Variants in GLIS3 observed in about 807,000 individuals in gnomAD.
GLIS3 encodes the protein GLIS family zinc finger 3.
Under a neutral mutation model 78.6 loss-of-function variants are expected in GLIS3, and 53 were observed. That is an observed-to-expected ratio of 0.67 (90% CI 0.54 to 0.85). The LOEUF (loss-of-function observed/expected upper bound fraction) is 0.85, where lower values mean the gene tolerates loss of function less well. Among genes scored for constraint, GLIS3 ranks in the 40% least tolerant of loss-of-function variants. The probability of loss-of-function intolerance (pLI) is 0.00; values close to 1 mark genes in which losing one functional copy is unlikely to be tolerated. For missense variants in GLIS3, 1,703 were observed against 1,231.1 expected, an observed-to-expected ratio of 1.38 and a Z score of -5.74; for synonymous variants, 684 against 509.9, an observed-to-expected ratio of 1.34 and a Z score of -4.60.
At chr9:4,230,580 G>T (rs968009758) in intron 2 of GLIS3, among the ~76,000 whole-genome samples, 1 of 152,114 alleles carries the variant, frequency 6.6e-6, no homozygotes, top group African/African-American at 2.4e-5. Flanking sequence ...AAAGAATTGA[G>T]TCAGGTTTTC....
chr9:4,238,008 T>C lies in GLIS3; in HGVS notation c.388+48030A>G, dbSNP rs752605463. Among the ~76,000 whole-genome samples the C allele has an allele frequency of 7.9e-4, 120 of 152,314 alleles. 2 individuals carry two copies. Among genetic ancestry groups the C allele is most frequent in the Non-Finnish European group, 6.3e-4 (43 of 68,024 alleles). On this transcript the variant is annotated intron_variant, in intron 2 of 10. Transcript: ENST00000381971. ...CTGTCCAGAACTTCCTCAGAATTTC[T>C]ACCTAGGAATGTTCTAGACCAGAAA...
intron 4 of GLIS3, among the ~76,000 whole-genome samples, chr9:3,968,473 C>T (rs572979161): frequency 2.0e-5 from 3 of 152,194 alleles, no homozygotes; most frequent in South Asian, 4.1e-4. Context: ...ATGAAAAATA[C>T]ATATACGTGT....
intron 2 of GLIS3, among the ~76,000 whole-genome samples, chr9:4,162,871 AAAAAAAAAAATC>A (rs1835600874): frequency 6.7e-6 from 1 of 148,926 alleles, no homozygotes; most frequent in Admixed American, 6.7e-5. Flanking sequence ...AAAAAAAAAA[AAAAAAAAAAATC>A]AATCGCCAAC....
the GLIS3 span, among the ~76,000 whole-genome samples, chr9:4,458,139 T>G: frequency 1.3e-5 from 2 of 152,176 alleles, no homozygotes; most frequent in Non-Finnish European, 2.9e-5. Context: ...ATCTCTGCCC[T>G]CCTGTCATGC....
At position 4,118,169 on chromosome 9, in the gene GLIS3, G is replaced by A. The variant is rs769437345; in HGVS notation, c.1309C>T (p.Pro437Ser). The change falls in exon 4 of 11, where the codon CCG becomes TCG. Residue 437 changes from proline (P) to serine (S), a missense_variant. Pro to Ser is a moderately conservative substitution (Grantham distance 74). Coordinates refer to ENST00000381971, the MANE Select transcript of GLIS3 (RefSeq NM_001042413.2). This position sits in a 1 kb window ranked among gnomAD's most constrained non-coding sequence, Gnocchi z 4.7. ...GGGGGTAGGTCTACGGTGCTGCCCG[G>A]GAACTCCTCCAGGCGTTCGGTCTTG... is the stretch of plus-strand genomic sequence containing the variant. Reference protein sequence around the residue: ...LFKTERLEEFPGSTVDLPPAP... With the variant: ...LFKTERLEEFSGSTVDLPPAP... The A allele has an allele frequency of 4.5e-6, 7 of 1,567,654 alleles. No individual in the cohort carries two copies. In the Middle Eastern group the frequency reaches 8.9e-4, roughly 200 times the overall value.
the GLIS3 span, among the ~76,000 whole-genome samples, chr9:4,465,317 G>T: frequency 6.6e-6 from 1 of 152,240 alleles, no homozygotes; most frequent in African/African-American, 2.4e-5. Flanking sequence ...GGAGGCCGAG[G>T]CAAGGGGATC....
chr9:4,163,212 T>G (rs188565825), intron 2 of GLIS3, among the ~76,000 whole-genome samples: 3 of 152,232 alleles, frequency 2.0e-5, no homozygotes, highest in Non-Finnish European at 2.9e-5. Context: ...GCCTCATTTT[T>G]TATGTCTCAG....
At chr9:4,454,150 T>TAAAAAAAAAAAAAAAAAAAAAA in the GLIS3 span, among the ~76,000 whole-genome samples, 1 of 128,854 alleles carries the variant, frequency 7.8e-6, no homozygotes. Context: ...TATATGATGA[T>TAAAAAAAAAAAAAAAAAAAAAA]AAAAAAAAAA....
chr9:4,146,067 G>C (rs1834201880), intron 2 of GLIS3, among the ~76,000 whole-genome samples: 1 of 152,092 alleles, frequency 6.6e-6, no homozygotes, highest in Non-Finnish European at 1.5e-5. Context: ...ACATGAGATA[G>C]GTACTTTGTT....
chr9:4,156,836 C>T (rs139262788), intron 2 of GLIS3, among the ~76,000 whole-genome samples: 1,684 of 152,196 alleles, frequency 0.011, 13 homozygotes, highest in Non-Finnish European at 0.017. Flanking sequence ...AAAAAAAATG[C>T]CCTCTCCCAG....
intron 2 of GLIS3, among the ~76,000 whole-genome samples, chr9:4,335,581 T>C (rs1817744180): frequency 6.6e-6 from 1 of 152,208 alleles, no homozygotes; most frequent in African/African-American, 2.4e-5. Flanking sequence ...TCACCAGCCC[T>C]GGGGATGGCG....
chr9:4,000,476 A>G (rs1231941030), intron 4 of GLIS3, among the ~76,000 whole-genome samples: 1 of 152,090 alleles, frequency 6.6e-6, no homozygotes, highest in African/African-American at 2.4e-5. Flanking sequence ...CATCAGTGTT[A>G]TTTTATTTAT....
chr9:4,200,700 A>G (rs1490628509), intron 2 of GLIS3, among the ~76,000 whole-genome samples: 1 of 152,134 alleles, frequency 6.6e-6, no homozygotes, highest in Non-Finnish European at 1.5e-5. Context: ...CCTACCAACC[A>G]AAAAAAGCCC....
chr9:4,247,323 T>C (rs1357519402), intron 2 of GLIS3, among the ~76,000 whole-genome samples: 2 of 152,046 alleles, frequency 1.3e-5, no homozygotes, highest in Non-Finnish European at 2.9e-5. Flanking sequence ...TGAACTCAAA[T>C]AAAGGATAAT....
chr9:4,350,409 T>C (rs1254057991), upstream of GLIS3, among the ~76,000 whole-genome samples: 3 of 152,208 alleles, frequency 2.0e-5, no homozygotes, highest in African/African-American at 4.8e-5. Context: ...CCCATCTCTA[T>C]ATGGATAGAA....
intron 4 of GLIS3, among the ~76,000 whole-genome samples, chr9:4,104,165 G>C (rs188103988): frequency 1.3e-5 from 2 of 152,054 alleles, no homozygotes; most frequent in Non-Finnish European, 2.9e-5. Context: ...CTTCTCATCT[G>C]ATCTCCAGAT....
At chr9:4,114,637 G>C (rs1048197217) in intron 4 of GLIS3, among the ~76,000 whole-genome samples, 1 of 152,130 alleles carries the variant, frequency 6.6e-6, no homozygotes, top group South Asian at 2.1e-4. Context: ...GAATGGAGTC[G>C]GGTATTTTAA....
At chr9:3,946,807 A>G (rs1243936169) in intron 4 of GLIS3, among the ~76,000 whole-genome samples, 1 of 152,220 alleles carries the variant, frequency 6.6e-6, no homozygotes, top group African/African-American at 2.4e-5. Context: ...AAAGGAAAAG[A>G]AACTGTTTTA....
At chr9:3,913,114 CTA>C (rs1290457176) in intron 6 of GLIS3, among the ~76,000 whole-genome samples, 1 of 152,188 alleles carries the variant, frequency 6.6e-6, no homozygotes, top group East Asian at 1.9e-4. Context: ...CAGCCCCTGC[CTA>C]TGTTACAGCT....
Sources: gnomAD v4.1 joint callset for allele counts (sites outside exome capture counted in the v4.1 genomes callset) on GRCh38, gnomAD v4.1.1 for gene constraint, Gnocchi (gnomAD v3.1) non-coding constraint, MANE v1.5 for transcripts, NCBI Gene and HGNC (gene_info 2026-07-23, HGNC 2026-07-21) for gene names.